Variants in COL25A1 observed in about 807,000 individuals in gnomAD.
The protein encoded by COL25A1 is collagen type XXV alpha 1 chain.
In COL25A1, 103 loss-of-function variants were observed where a neutral mutation model predicts 128.4. The observed-to-expected ratio is 0.80, with a 90% CI of 0.68 to 0.94. The LOEUF (loss-of-function observed/expected upper bound fraction) is 0.94. Among genes scored for constraint, COL25A1 ranks in the 40% least tolerant of loss-of-function variants. The probability of loss-of-function intolerance (pLI) is 0.00; values close to 1 mark genes in which losing one functional copy is unlikely to be tolerated. For missense variants in COL25A1, 745 were observed against 840.0 expected, an observed-to-expected ratio of 0.89 and a Z score of 1.40; for synonymous variants, 279 against 277.2, an observed-to-expected ratio of 1.01 and a Z score of -0.06.
At chr4:108,834,339 C>G in intron 31 of COL25A1, 1 of 1,550,374 alleles carries the variant, frequency 6.5e-7, no homozygotes, top group Non-Finnish European at 8.7e-7. Context: ...CAGAGCAAGA[C>G]AAGGGACTGA....
intron 3 of COL25A1, among the ~76,000 whole-genome samples, chr4:109,275,640 A>G (rs1406558678): frequency 6.6e-6 from 1 of 152,240 alleles, no homozygotes; most frequent in Non-Finnish European, 1.5e-5. Flanking sequence ...GCCAACAAGC[A>G]TTCTCTCAAA....
At chr4:109,024,806 T>A (rs1204204307) in intron 5 of COL25A1, among the ~76,000 whole-genome samples, 2 of 152,230 alleles carry the variant, frequency 1.3e-5, no homozygotes, top group Non-Finnish European at 2.9e-5. Context: ...TGTTTTTAAT[T>A]ACTTGGAAGA....
chr4:108,869,525 C>A (rs1019697987), intron 19 of COL25A1, among the ~76,000 whole-genome samples: 1 of 152,076 alleles, frequency 6.6e-6, no homozygotes, highest in African/African-American at 2.4e-5. Context: ...TAAGACTGAG[C>A]CCTTAAATCT....
At position 108,815,235 on chromosome 4, in the gene COL25A1, C is replaced by A. The variant is rs186661312; in HGVS notation, c.1963-1306G>T. Among the ~76,000 whole-genome samples the A allele has an allele frequency of 5.6e-4, 86 of 152,220 alleles. 1 individual carries two copies. The East Asian group carries it at 0.016, about 29-fold the overall frequency. ...AATTAATCAGTGATTTATACGACTG[C>A]CACAATTTGAATTTTAAGTCAAGCA... On this transcript the variant is annotated intron_variant, in intron 37 of 37. Transcript: ENST00000399132.
chr4:108,821,916 G>A (rs9992751), intron 35 of COL25A1, among the ~76,000 whole-genome samples: 21,057 of 151,938 alleles, frequency 0.14, 1,464 homozygotes, highest in East Asian at 0.26. Flanking sequence ...CATGGAAGCT[G>A]AACATGGAAA....
chr4:109,276,641 G>A (rs1325460594), intron 3 of COL25A1, among the ~76,000 whole-genome samples: 1 of 152,074 alleles, frequency 6.6e-6, no homozygotes, highest in Non-Finnish European at 1.5e-5. Context: ...TTAGCGGCTG[G>A]TGTCAGTCAT....
chr4:109,281,274 A>G (rs1272944037), intron 3 of COL25A1, among the ~76,000 whole-genome samples: 1 of 152,200 alleles, frequency 6.6e-6, no homozygotes, highest in African/African-American at 2.4e-5. Flanking sequence ...GATTAGCCAG[A>G]ATGCCATCAA....
chr4:109,184,861 T>C (rs964955163), intron 3 of COL25A1, among the ~76,000 whole-genome samples: 4 of 152,186 alleles, frequency 2.6e-5, no homozygotes, highest in Admixed American at 2.6e-4. Flanking sequence ...AGGAAACTCA[T>C]TCCTTATTCA....
chr4:109,067,831 G>A (rs1267412744), intron 3 of COL25A1, among the ~76,000 whole-genome samples: 1 of 152,146 alleles, frequency 6.6e-6, no homozygotes, highest in East Asian at 1.9e-4. Flanking sequence ...TTAGAGAAAT[G>A]AACAGTTTTC....
At chr4:109,117,779 A>C (rs1767745486) in intron 3 of COL25A1, among the ~76,000 whole-genome samples, 1 of 151,964 alleles carries the variant, frequency 6.6e-6, no homozygotes, top group Non-Finnish European at 1.5e-5. Context: ...GGAATATTAG[A>C]AATATTTTGA....
intron 3 of COL25A1, among the ~76,000 whole-genome samples, chr4:109,248,051 C>G (rs1780395423): frequency 6.6e-6 from 1 of 152,038 alleles, no homozygotes; most frequent in Non-Finnish European, 1.5e-5. Flanking sequence ...TATTGTCCCA[C>G]AGTCAAGATA....
At chr4:108,925,575 C>T (rs1300274801) in intron 11 of COL25A1, among the ~76,000 whole-genome samples, 1 of 151,984 alleles carries the variant, frequency 6.6e-6, no homozygotes, top group Non-Finnish European at 1.5e-5. Flanking sequence ...ATGTGTATGG[C>T]CTTGTAGGTG....
intron 3 of COL25A1, among the ~76,000 whole-genome samples, chr4:109,163,944 T>A (rs1395393249): frequency 6.6e-6 from 1 of 152,236 alleles, no homozygotes; most frequent in East Asian, 1.9e-4. Flanking sequence ...CTTCAACACT[T>A]CTGCTAAGTA....
At chr4:109,097,729 T>C (rs1430513687) in intron 3 of COL25A1, among the ~76,000 whole-genome samples, 1 of 147,766 alleles carries the variant, frequency 6.8e-6, no homozygotes, top group Non-Finnish European at 1.5e-5. Context: ...AGTGGCGCGA[T>C]CTTGGCTCAC....
At chr4:109,100,570 T>C (rs1446374749) in intron 3 of COL25A1, among the ~76,000 whole-genome samples, 1 of 152,162 alleles carries the variant, frequency 6.6e-6, no homozygotes. Context: ...TACTTGTTTG[T>C]TAATCTTATT....
At chr4:109,006,213 C>T (rs956617347) in intron 6 of COL25A1, among the ~76,000 whole-genome samples, 1 of 148,402 alleles carries the variant, frequency 6.7e-6, no homozygotes, top group Non-Finnish European at 1.5e-5. Flanking sequence ...TAACAAGCTT[C>T]TAATTTTGTG....
intron 6 of COL25A1, among the ~76,000 whole-genome samples, chr4:108,983,316 A>G (rs751284590): frequency 6.6e-6 from 1 of 152,162 alleles, no homozygotes; most frequent in Non-Finnish European, 1.5e-5. Flanking sequence ...TAGCCCTGTG[A>G]TTTTACAGCT....
At chr4:109,163,548 T>G (rs1342208023) in intron 3 of COL25A1, among the ~76,000 whole-genome samples, 1 of 152,164 alleles carries the variant, frequency 6.6e-6, no homozygotes, top group Non-Finnish European at 1.5e-5. Context: ...GATCAACCAT[T>G]TCCCCCCAGC....
chr4:109,130,340 A>G (rs1209096431), intron 3 of COL25A1, among the ~76,000 whole-genome samples: 1 of 152,190 alleles, frequency 6.6e-6, no homozygotes, highest in Non-Finnish European at 1.5e-5. Context: ...CAAAATACTC[A>G]AAATTTAGTT....
Sources: allele counts gnomAD v4.1 joint callset (sites outside exome capture counted in the v4.1 genomes callset), GRCh38; gene constraint gnomAD v4.1.1; transcripts MANE v1.5; gene names NCBI Gene and HGNC (gene_info 2026-07-23, HGNC 2026-07-21).